The following NCEH1 variants were observed in gnomAD, a reference collection of about 807,000 sequenced individuals.
NCEH1 encodes 2-acetyl MAGE hydrolase.
In NCEH1, 9 loss-of-function variants were observed where a neutral mutation model predicts 25.4. The ratio of observed to expected loss-of-function variants is 0.35; its 90% CI spans 0.21 to 0.62. The LOEUF is 0.62. Among genes scored for constraint, NCEH1 ranks in the 20% least tolerant of loss-of-function variants. The probability of loss-of-function intolerance (pLI) is 0.72; values close to 1 mark genes in which losing one functional copy is unlikely to be tolerated. For missense variants in NCEH1, 412 were observed against 501.1 expected (o/e 0.82, Z 1.70); for synonymous variants, 200 against 199.8 (o/e 1.00, Z -0.01).
intron 1 of NCEH1, among the ~76,000 whole-genome samples, chr3:172,655,819 A>T (rs544306868): frequency 1.3e-5 from 2 of 152,338 alleles, no homozygotes; most frequent in East Asian, 3.9e-4. Flanking sequence ...GGTAAAGTTG[A>T]ATAAAATTAA....
At chr3:172,654,375 A>T (rs1717595689) in intron 1 of NCEH1, among the ~76,000 whole-genome samples, 1 of 152,232 alleles carries the variant, frequency 6.6e-6, no homozygotes, top group Non-Finnish European at 1.5e-5. Context: ...CTGTCACATA[A>T]GAAGCCCTTT....
rs10701435 is a variant in NCEH1, at chr3:172,701,449, C to CTTTTTTT, written c.138+9391_138+9397dup. 6.9e-4 allele frequency among the ~76,000 whole-genome samples: 77 copies of CTTTTTTT among 110,936 alleles called. 1 individual carries two copies. Among genetic ancestry groups the CTTTTTTT allele is most frequent in the Non-Finnish European group, 9.6e-4 (56 of 58,190 alleles). 72.8% of individuals were successfully genotyped at this position (110,936 alleles called of 152,430 possible). A position where few individuals can be genotyped will look rare whatever the true frequency, so the allele number is the denominator to read the frequency against. ...TAGTGCTTCCTAGATGGTCTTTTGC[C>CTTTTTTT]TTTTTTTTTTTTTTTTTAAAGACGG... On this transcript the variant is annotated intron_variant, in intron 1 of 4. Transcript: ENST00000475381.
chr3:172,693,387 T>C (rs937411359), intron 1 of NCEH1, among the ~76,000 whole-genome samples: 1 of 151,284 alleles, frequency 6.6e-6, no homozygotes, highest in African/African-American at 2.4e-5. Context: ...TCAGCAACTT[T>C]AAGGATTACA....
At chr3:172,644,799 G>A (rs1386902715) in intron 3 of NCEH1, among the ~76,000 whole-genome samples, 1 of 152,142 alleles carries the variant, frequency 6.6e-6, no homozygotes, top group Non-Finnish European at 1.5e-5. Flanking sequence ...ATCCTGAAAT[G>A]TTTGCCTTTA....
chr3:172,708,366 T>C (rs373567202), intron 1 of NCEH1, among the ~76,000 whole-genome samples: 1 of 152,280 alleles, frequency 6.6e-6, no homozygotes, highest in East Asian at 1.9e-4. Context: ...TATTTATATA[T>C]TTTTTTGAGA....
chr3:172,671,528 C>CACACACACACATAT lies in NCEH1; in HGVS notation c.139-23415_139-23414insATATGTGTGTGTGT, dbSNP rs145129202. ...ACATACACACACACACACACACACA[C>CACACACACACATAT]ATATATAGATATATATACAAATATA... is the stretch of plus-strand genomic sequence containing the variant. On this transcript the variant is annotated intron_variant, in intron 1 of 4. Transcript: ENST00000475381. 5.8e-5 allele frequency among the ~76,000 whole-genome samples: 8 copies of CACACACACACATAT among 137,136 alleles called. 1 individual carries two copies. In the South Asian group the frequency reaches 1.2e-3, roughly 20 times the overall value. The allele number at this position is 137,136 out of a possible 152,430, so 90.0% of individuals were successfully genotyped here.
Position 172,631,494 on chromosome 3 carries a change from C to G in NCEH1, c.*1981G>C, listed in dbSNP as rs572330892. 6.6e-6 allele frequency: 1 copy of G among 152,498 alleles called. No individual in the cohort carries two copies. Among genetic ancestry groups the G allele is most frequent in the Non-Finnish European group, 1.5e-5 (1 of 68,002 alleles). The allele number at this position is 152,498 out of a possible 1,614,324, so 9.4% of individuals were successfully genotyped here. ...GGAGAGGCCAATATAATTTGCCAGT[C>G]TGACAAGACAGTTGGTATTATAAGT... On this transcript the variant is annotated 3_prime_UTR_variant, in exon 5 of 5. Transcript: ENST00000475381.
chr3:172,634,128 G>A (rs113507512), intron 4 of NCEH1, 36 bp from the exon 5 acceptor site: 1 of 1,581,718 alleles, frequency 6.3e-7, no homozygotes, highest in Non-Finnish European at 8.6e-7. Flanking sequence ...ATTTCATTTT[G>A]CATGCCTTCT....
chr3:172,679,740 A>G (rs1430092475), intron 1 of NCEH1, among the ~76,000 whole-genome samples: 2 of 152,180 alleles, frequency 1.3e-5, no homozygotes, highest in African/African-American at 4.8e-5. Flanking sequence ...TGCAAATGCC[A>G]GCCATTAGAA....
chr3:172,660,522 C>T (rs1370718515), intron 1 of NCEH1, among the ~76,000 whole-genome samples: 2 of 152,162 alleles, frequency 1.3e-5, no homozygotes, highest in African/African-American at 4.8e-5. Flanking sequence ...AATGGTATTT[C>T]TAGTTCTAGA....
chr3:172,691,146 G>A (rs1440000375), intron 1 of NCEH1, among the ~76,000 whole-genome samples: 1 of 152,098 alleles, frequency 6.6e-6, no homozygotes, highest in East Asian at 1.9e-4. Flanking sequence ...CAAACATAGA[G>A]CGGGCTGGAC....
intron 1 of NCEH1, among the ~76,000 whole-genome samples, chr3:172,708,593 G>A (rs767841685): frequency 3.3e-5 from 5 of 152,106 alleles, no homozygotes; most frequent in Non-Finnish European, 7.4e-5. Context: ...TCCTGACCTC[G>A]TGATCCACCC....
chr3:172,672,653 A>AG (rs1314182684), intron 1 of NCEH1, among the ~76,000 whole-genome samples: 1 of 152,188 alleles, frequency 6.6e-6, no homozygotes. Context: ...AACCTCCTGA[A>AG]GGGGGCCACT....
chr3:172,664,372 T>G (rs981389100), intron 1 of NCEH1, among the ~76,000 whole-genome samples: 1 of 152,192 alleles, frequency 6.6e-6, no homozygotes, highest in Non-Finnish European at 1.5e-5. Flanking sequence ...ACCTGACCTT[T>G]CTCTCTGGCT....
At chr3:172,706,074 C>T (rs9860861) in intron 1 of NCEH1, among the ~76,000 whole-genome samples, 18,728 of 150,248 alleles carry the variant, frequency 0.12, 1,686 homozygotes, top group African/African-American at 0.25. Flanking sequence ...TCTTCAGCCT[C>T]TTCAACCTGG....
intron 1 of NCEH1, among the ~76,000 whole-genome samples, chr3:172,697,970 A>ATTTTTTTTT (rs386398562): frequency 4.0e-5 from 4 of 101,094 alleles, no homozygotes; most frequent in Middle Eastern, 6.6e-3. Flanking sequence ...TAAAAGCAGA[A>ATTTTTTTTT]TTTTTTTTTT....
intron 1 of NCEH1, among the ~76,000 whole-genome samples, chr3:172,655,607 A>T (rs1223004127): frequency 1.3e-5 from 2 of 152,236 alleles, no homozygotes; most frequent in African/African-American, 2.4e-5. Context: ...ACCTAGTAAG[A>T]ACAGAAAGAG....
chr3:172,703,218 A>C (rs1713792154), intron 1 of NCEH1: 1 of 152,114 alleles, frequency 6.6e-6, no homozygotes, highest in Non-Finnish European at 1.5e-5. Flanking sequence ...GCAGTGTTAC[A>C]TATTTTCTTT....
chr3:172,667,070 G>C (rs1718245078), intron 1 of NCEH1, among the ~76,000 whole-genome samples: 1 of 152,146 alleles, frequency 6.6e-6, no homozygotes, highest in Non-Finnish European at 1.5e-5. Flanking sequence ...GCTGTACACT[G>C]CAATCTCCTT....
Sources: allele counts gnomAD v4.1 joint callset (sites outside exome capture counted in the v4.1 genomes callset), GRCh38; gene constraint gnomAD v4.1.1; transcripts MANE v1.5; gene names NCBI Gene and HGNC (gene_info 2026-07-23, HGNC 2026-07-21).